Variants in PCDHGB3 observed in about 807,000 individuals in gnomAD.
PCDHGB3 encodes protocadherin gamma-B3.
In PCDHGB3, 40 loss-of-function variants were observed where a neutral mutation model predicts 59.2. The observed-to-expected ratio is 0.68, with a 90% CI of 0.52 to 0.88. The LOEUF (loss-of-function observed/expected upper bound fraction) is 0.88, where lower values mean the gene tolerates loss of function less well. Ranked by LOEUF, PCDHGB3 falls within the 40% of genes least tolerant of loss-of-function variation. The pLI is 0.00. For synonymous variants in PCDHGB3, 581 were observed against 503.6 expected, an observed-to-expected ratio of 1.15 and a Z score of -2.06; for missense variants, 1,309 against 1,187.9, an observed-to-expected ratio of 1.10 and a Z score of -1.50.
intron 1 of PCDHGB3, chr5:141,421,414 C>A (rs2096570568): frequency 1.9e-6 from 3 of 1,614,066 alleles, no homozygotes; most frequent in South Asian, 2.2e-5. Flanking sequence ...GCTGGCGAAG[C>A]GCGGAGTCCG....
chr5:141,436,594 G>A (rs79477223), intron 1 of PCDHGB3, among the ~76,000 whole-genome samples: 2 of 152,106 alleles, frequency 1.3e-5, no homozygotes, highest in African/African-American at 2.4e-5. Flanking sequence ...AAAGGTCGTG[G>A]TGATGGCTAG....
At chr5:141,466,929 T>C (rs2099132302) in intron 1 of PCDHGB3, among the ~76,000 whole-genome samples, 1 of 152,232 alleles carries the variant, frequency 6.6e-6, no homozygotes, top group African/African-American at 2.4e-5. Context: ...TTAGGAATAT[T>C]AGTCCTTTGT....
chr5:141,423,139 G>A (rs2096713828), intron 1 of PCDHGB3: 2 of 1,613,616 alleles, frequency 1.2e-6, no homozygotes, highest in Middle Eastern at 1.7e-4. Flanking sequence ...GGACAGAGAC[G>A]CGCTCAAGCA....
chr5:141,413,748 T>C (rs1264580781), intron 1 of PCDHGB3: 2 of 1,613,288 alleles, frequency 1.2e-6, no homozygotes, highest in Non-Finnish European at 1.7e-6. Context: ...GCCGTGCCAA[T>C]GGCGTCAAGT....
At chr5:141,398,121 A>C (rs554777335) in intron 1 of PCDHGB3, 28 of 1,590,306 alleles carry the variant, frequency 1.8e-5, no homozygotes, top group Admixed American at 3.6e-5. Context: ...TGAGGAGAGC[A>C]AGAGGGATGG....
intron 1 of PCDHGB3, chr5:141,426,887 G>C (rs1309180455): frequency 6.6e-6 from 3 of 456,646 alleles, no homozygotes; most frequent in South Asian, 4.6e-5. Context: ...TGGGCCAGGA[G>C]CAACAGAGCT....
chr5:141,472,412 G>A (rs1283620276), intron 1 of PCDHGB3, among the ~76,000 whole-genome samples: 8 of 151,940 alleles, frequency 5.3e-5, no homozygotes, highest in Non-Finnish European at 8.8e-5. Context: ...GTGGTGGCAC[G>A]CACCTGTATC....
chr5:141,491,648 T>G lies in PCDHGB3; in HGVS notation c.2416-3159T>G, dbSNP rs756792762. 1 of 1,613,834 alleles carries G rather than the reference T, an allele frequency of 6.2e-7. No individual in the cohort carries two copies. Among genetic ancestry groups the G allele is most frequent in the Non-Finnish European group, 8.5e-7 (1 of 1,180,002 alleles). On this transcript the variant is annotated intron_variant, in intron 1 of 3. Coordinates refer to ENST00000576222, the MANE Select transcript of PCDHGB3 (RefSeq NM_018924.5). This position sits in a 1 kb window ranked among gnomAD's most constrained non-coding sequence, Gnocchi z 6.9. Reference sequence around the variant, plus strand: ...GTTCAGCAGCCCACAGCTCTGGCGCTGGAGCCTGACGCCATCCGGTCCCGC... The same window carrying G: ...GTTCAGCAGCCCACAGCTCTGGCGCGGGAGCCTGACGCCATCCGGTCCCGC...
At chr5:141,406,574 C>A (rs941574087) in intron 1 of PCDHGB3, among the ~76,000 whole-genome samples, 1 of 152,164 alleles carries the variant, frequency 6.6e-6, no homozygotes, top group African/African-American at 2.4e-5. Context: ...CCCTAGTAAA[C>A]CAATTTTTTC....
At chr5:141,374,058 C>G in intron 1 of PCDHGB3, 1 of 1,487,942 alleles carries the variant, frequency 6.7e-7, no homozygotes, top group Non-Finnish European at 8.9e-7. Flanking sequence ...CTTCTTAATC[C>G]CAGAGAAGTT....
chr5:141,491,800 C>G lies in PCDHGB3; in HGVS notation c.2416-3007C>G. The G allele has an allele frequency of 6.7e-7, 1 of 1,500,854 alleles. No individual in the cohort carries two copies. The highest frequency in any genetic ancestry group is 8.9e-7 in the Non-Finnish European group (1 of 1,125,316). 93.0% of individuals were successfully genotyped at this position (1,500,854 alleles called of 1,614,324 possible). A position where few individuals can be genotyped will look rare whatever the true frequency, so the allele number is the denominator to read the frequency against. ...GAACTTGCATCCACTCCTCTCCGGC[C>G]GGCTTGGTCGCTGGCTGCGCTCCAC... On this transcript the variant is annotated intron_variant, in intron 1 of 3. Transcript: ENST00000576222. The surrounding 1 kb of genome is among the most constrained non-coding windows in gnomAD (Gnocchi z 6.9).
intron 2 of PCDHGB3, 143 bp downstream of exon 2, chr5:141,495,008 G>A (rs2099758236): frequency 6.6e-7 from 1 of 1,521,900 alleles, no homozygotes; most frequent in Non-Finnish European, 8.8e-7. Context: ...TGGTGTGCGG[G>A]GGGCTGGCAC....
intron 1 of PCDHGB3, chr5:141,408,047 A>C (rs1038145479): frequency 2.4e-6 from 3 of 1,243,316 alleles, no homozygotes; most frequent in Non-Finnish European, 3.2e-6. Context: ...GCTCCCACAC[A>C]GAGCCTCCCG....
chr5:141,464,515 A>C (rs969421973), intron 1 of PCDHGB3, among the ~76,000 whole-genome samples: 4 of 152,028 alleles, frequency 2.6e-5, no homozygotes, highest in Non-Finnish European at 4.4e-5. Flanking sequence ...CATAAGGTAA[A>C]GGCATATGTA....
intron 1 of PCDHGB3, among the ~76,000 whole-genome samples, chr5:141,474,405 GT>G (rs2099348889): frequency 6.6e-6 from 1 of 152,196 alleles, no homozygotes; most frequent in African/African-American, 2.4e-5. Flanking sequence ...AAGCTCCCCG[GT>G]GATGCCTAGA....
chr5:141,494,929 GGA>G, intron 2 of PCDHGB3, 64 bp downstream of exon 2: 1 of 1,613,142 alleles, frequency 6.2e-7, no homozygotes, highest in Non-Finnish European at 8.5e-7. Flanking sequence ...TGACGTGGGA[GGA>G]GATGGGGGAG....
At chr5:141,393,224 T>C in intron 1 of PCDHGB3, 1 of 1,613,670 alleles carries the variant, frequency 6.2e-7, no homozygotes, top group South Asian at 1.1e-5. Flanking sequence ...AGGTCGAAGA[T>C]CTAGAAGTAA....
chr5:141,491,508 G>T lies in PCDHGB3; in HGVS notation c.2416-3299G>T. 1 of 1,614,030 alleles carries T rather than the reference G, an allele frequency of 6.2e-7. No homozygotes were observed. Among genetic ancestry groups the T allele is most frequent in the Non-Finnish European group, 8.5e-7 (1 of 1,180,014 alleles). ...ACCTGCAGGTGAGCTCGGACGGCACGCTCAAGTACATGGAGGTGACGCTGC... is the reference window on the plus strand; with the variant it reads ...ACCTGCAGGTGAGCTCGGACGGCACTCTCAAGTACATGGAGGTGACGCTGC... On this transcript the variant is annotated intron_variant, in intron 1 of 3. Transcript: ENST00000576222. The surrounding 1 kb of genome is among the most constrained non-coding windows in gnomAD (Gnocchi z 6.9).
chr5:141,496,163 A>T (rs1249396595), intron 2 of PCDHGB3, among the ~76,000 whole-genome samples: 2 of 150,100 alleles, frequency 1.3e-5, no homozygotes, highest in Non-Finnish European at 3.0e-5. Flanking sequence ...TCCACCAGAC[A>T]CCCTCCCATC....
Sources: allele counts gnomAD v4.1 joint callset (sites outside exome capture counted in the v4.1 genomes callset), GRCh38; gene constraint gnomAD v4.1.1; non-coding constraint Gnocchi (gnomAD v3.1); transcripts MANE v1.5; gene names NCBI Gene and HGNC (gene_info 2026-07-23, HGNC 2026-07-21).